The following CROCC variants were observed in gnomAD, a reference collection of about 807,000 sequenced individuals.
The protein encoded by CROCC is ciliary rootlet coiled-coil, rootletin.
CROCC carries 180 observed loss-of-function variants against 245.2 expected under a neutral mutation model. The observed-to-expected ratio is 0.73, with a 90% CI of 0.65 to 0.83. The LOEUF (loss-of-function observed/expected upper bound fraction) is 0.83, where lower values mean the gene tolerates loss of function less well. CROCC is among the 40% of genes least tolerant of loss of function. CROCC has a pLI of 0.00. For missense variants in CROCC, 2,688 were observed against 2,779.4 expected (o/e 0.97, Z 0.74); for synonymous variants, 1,205 against 1,241.6 (o/e 0.97, Z 0.62).
Position 16,958,659 on chromosome 1 carries a change from A to G in CROCC, c.3941A>G (p.Glu1314Gly). 1 of 1,555,778 alleles carries G rather than the reference A, an allele frequency of 6.4e-7. No individual in the cohort carries two copies. Among genetic ancestry groups the G allele is most frequent in the Non-Finnish European group, 8.7e-7 (1 of 1,150,274 alleles). The stretch of plus-strand genomic sequence containing the variant: ...CTGCAGGGCCGCCTGGCGCTGGGCG[A>G]GCGGGCAGAGAAGGAGAGCAGGCGG... ...AELQGRLALGERAEKESRRET... is the reference protein window; with the variant it reads ...AELQGRLALGGRAEKESRRET... Residue 1314 changes from glutamate (E) to glycine (G), a missense_variant, in exon 26 of 37, where the codon GAG (glutamate) becomes GGG (glycine). Transcript: ENST00000375541.
chr1:16,916,678 T>G (rs879364216), intron 1 of CROCC, among the ~76,000 whole-genome samples: 3 of 152,238 alleles, frequency 2.0e-5, no homozygotes, highest in Non-Finnish European at 2.9e-5. Flanking sequence ...CCAGGCCAAT[T>G]TTTTTTATTT....
intron 1 of CROCC, among the ~76,000 whole-genome samples, chr1:16,915,786 G>T (rs142765233): frequency 1.0e-3 from 156 of 152,342 alleles, no homozygotes; most frequent in Non-Finnish European, 6.3e-4. Context: ...ACAAGCGGGA[G>T]TCAGCTGTGC....
intron 8 of CROCC, among the ~76,000 whole-genome samples, chr1:16,935,274 C>T (rs2075763764): frequency 6.6e-6 from 1 of 152,274 alleles, no homozygotes; most frequent in Non-Finnish European, 1.5e-5. Flanking sequence ...CACACAGAGA[C>T]ACACAGACAC....
chr1:16,937,365 AC>A (rs1557596784), intron 9 of CROCC, among the ~76,000 whole-genome samples: 2 of 131,292 alleles, frequency 1.5e-5, no homozygotes, highest in African/African-American at 5.7e-5. Context: ...AAAAAAAAAA[AC>A]AAAAAAAAAG....
rs780515935 is a variant in CROCC at position 16,968,318 on chromosome 1, G to A, written c.4976G>A (p.Arg1659His). 107 of 1,549,184 alleles carry A rather than the reference G, an allele frequency of 6.9e-5. No individual in the cohort carries two copies. Among genetic ancestry groups the A allele is most frequent in the Non-Finnish European group, 8.8e-5 (101 of 1,147,030 alleles). Residue 1659 changes from arginine (R) to histidine (H), a missense_variant, in exon 31 of 37, where the codon CGC becomes CAC. Transcript: ENST00000375541. ...SRTVKLELQRRSLEGELQRSR... is the reference protein window; with the variant it reads ...SRTVKLELQRHSLEGELQRSR... ...ACTGTCAAGCTGGAGCTGCAGCGGCGCTCGCTTGAGGGGGAGCTGCAGCGC... is the reference window on the plus strand; with the variant it reads ...ACTGTCAAGCTGGAGCTGCAGCGGCACTCGCTTGAGGGGGAGCTGCAGCGC...
rs1284395782 is a variant in CROCC at position 16,955,365 on chromosome 1, G to A, written c.3519G>A (p.Leu1173=). 3 of 1,607,350 alleles carry A rather than the reference G, an allele frequency of 1.9e-6. No homozygotes were observed. The highest frequency in any genetic ancestry group is 1.7e-5 in the Admixed American group (1 of 59,950). The change falls in exon 24 of 37, where the codon CTG becomes CTA. Residue 1173 remains leucine, a synonymous_variant. Coordinates refer to ENST00000375541, the MANE Select transcript of CROCC (RefSeq NM_014675.5). ...LRLLEDARDG[L]RRELLEAQRK... is the part of the protein sequence containing the mutation. The stretch of plus-strand genomic sequence containing the variant: ...TGCTGGAGGATGCCCGTGACGGGCT[G>A]CGGCGGGAGCTGCTGGAGGCCCAGC...
intron 8 of CROCC, 86 bp downstream of exon 8, chr1:16,931,483 C>A: frequency 7.8e-7 from 1 of 1,276,362 alleles, no homozygotes; most frequent in South Asian, 1.2e-5. Context: ...TTCAGTTCAA[C>A]TCAACGCACT....
chr1:16,961,194 C>T (rs888803797), intron 27 of CROCC, 64 bp downstream of exon 27: 5 of 1,245,616 alleles, frequency 4.0e-6, no homozygotes, highest in African/African-American at 1.6e-5. Flanking sequence ...GCCCCGCCCC[C>T]ACATGGCAGG....
intron 33 of CROCC, 41 bp from the exon 34 acceptor site, chr1:16,970,212 A>G: frequency 6.7e-7 from 1 of 1,498,124 alleles, no homozygotes; most frequent in Non-Finnish European, 9.0e-7. Context: ...AAGTATGCTC[A>G]GGCCCAGAGG....
chr1:16,960,109 A>T (rs1277700769), intron 26 of CROCC, among the ~76,000 whole-genome samples: 1 of 152,148 alleles, frequency 6.6e-6, no homozygotes, highest in East Asian at 1.9e-4. Flanking sequence ...TCTACTAAAA[A>T]TACAAAAATT....
intron 27 of CROCC, among the ~76,000 whole-genome samples, chr1:16,963,290 C>T (rs1230920466): frequency 1.3e-5 from 2 of 150,726 alleles, no homozygotes; most frequent in Admixed American, 6.6e-5. Flanking sequence ...AAGGGGAGAA[C>T]GTGAGCGAGC....
In CROCC at chr1:16,937,753, C is replaced by T. The variant is rs746541547; in HGVS notation, c.1290+16C>T. ...TGAGGCCCTGGTGAGCTGCAGGTGC[C>T]CCTGAGATGGGGCAGGGTGAGATGG... On this transcript the variant is annotated intron_variant, in intron 10 of 36. Transcript: ENST00000375541. 6.9e-6 allele frequency: 11 copies of T among 1,596,670 alleles called. No homozygotes were observed. In the East Asian group the frequency reaches 2.2e-4, roughly 32 times the overall value.
chr1:16,938,070 A>C (rs2075831747), intron 10 of CROCC, among the ~76,000 whole-genome samples: 1 of 152,266 alleles, frequency 6.6e-6, no homozygotes, highest in Non-Finnish European at 1.5e-5. Flanking sequence ...GGCCTCTGGC[A>C]ACCTAGCTGC....
At chr1:16,929,639 GC>G (rs1285462723) in intron 3 of CROCC, among the ~76,000 whole-genome samples, 1 of 152,282 alleles carries the variant, frequency 6.6e-6, no homozygotes, top group Non-Finnish European at 1.5e-5. Flanking sequence ...GTCCATGCAT[GC>G]CCCGTCTGCG....
chr1:16,933,346 A>G (rs569144988), intron 8 of CROCC, among the ~76,000 whole-genome samples: 71 of 152,346 alleles, frequency 4.7e-4, no homozygotes, highest in African/African-American at 1.7e-3. Flanking sequence ...ACATGCCTGT[A>G]ATCCCAGCTA....
chr1:16,970,149 C>T, intron 33 of CROCC, 104 bp from the exon 34 acceptor site: 1 of 1,272,904 alleles, frequency 7.9e-7, no homozygotes, highest in Non-Finnish European at 1.1e-6. Flanking sequence ...ATGTGGGCCT[C>T]ACCGTCGCCT....
chr1:16,951,753 C>G (rs548984528), intron 20 of CROCC, among the ~76,000 whole-genome samples: 14 of 152,368 alleles, frequency 9.2e-5, no homozygotes, highest in Non-Finnish European at 1.6e-4. Flanking sequence ...CCACCAAATC[C>G]TAGACAGGGC....
At chr1:16,956,549 A>G (rs2076253049) in intron 25 of CROCC, among the ~76,000 whole-genome samples, 1 of 152,148 alleles carries the variant, frequency 6.6e-6, no homozygotes, top group Admixed American at 6.5e-5. Context: ...CTCTGTTGCA[A>G]CTACTTGACT....
intron 8 of CROCC, among the ~76,000 whole-genome samples, chr1:16,932,388 C>G (rs542894293): frequency 6.6e-6 from 1 of 152,226 alleles, no homozygotes; most frequent in African/African-American, 2.4e-5. Context: ...TGCGGTGAGC[C>G]GAGATCTCGC....
Sources: gnomAD v4.1 joint callset for allele counts (sites outside exome capture counted in the v4.1 genomes callset) on GRCh38, gnomAD v4.1.1 for gene constraint, MANE v1.5 for transcripts, NCBI Gene and HGNC (gene_info 2026-07-23, HGNC 2026-07-21) for gene names.